CPNE4: variants seen among roughly 807,000 people sequenced by gnomAD.
CPNE4 encodes copine-4.
CPNE4 carries 25 observed loss-of-function variants against 67.9 expected under a neutral mutation model. The ratio of observed to expected loss-of-function variants is 0.37; its 90% confidence interval spans 0.27 to 0.51. CPNE4 has a LOEUF of 0.51. Ranked by LOEUF, CPNE4 falls within the 20% of genes least tolerant of loss-of-function variation. CPNE4 has a pLI of 0.93. For missense variants in CPNE4, 464 were observed against 690.8 expected (o/e 0.67, Z 3.68); for synonymous variants, 242 against 244.9 (o/e 0.99, Z 0.11).
intron 2 of CPNE4, among the ~76,000 whole-genome samples, chr3:131,820,667 A>G (rs2084929432): frequency 6.6e-6 from 1 of 152,270 alleles, no homozygotes; most frequent in Non-Finnish European, 1.5e-5. Flanking sequence ...TGTAATGCAT[A>G]TCATAACAAT....
At chr3:131,737,278 C>A (rs754955698) in intron 2 of CPNE4, among the ~76,000 whole-genome samples, 5 of 151,810 alleles carry the variant, frequency 3.3e-5, no homozygotes, top group African/African-American at 4.8e-5. Context: ...CACTCGCTAC[C>A]ACACCTGGCT....
chr3:131,615,926 C>T (rs1310674601), intron 7 of CPNE4, among the ~76,000 whole-genome samples: 1 of 88,270 alleles, frequency 1.1e-5, no homozygotes, highest in Admixed American at 9.5e-5. Context: ...CACACACACA[C>T]ACGCACACAC....
At chr3:131,665,693 G>C (rs62283183) in intron 7 of CPNE4, among the ~76,000 whole-genome samples, 1 of 87,478 alleles carries the variant, frequency 1.1e-5, no homozygotes, top group Non-Finnish European at 2.7e-5. Context: ...ACAAAAAACA[G>C]AAAGAAAAGA....
intron 1 of CPNE4, among the ~76,000 whole-genome samples, chr3:131,905,749 T>G (rs1256766053): frequency 6.6e-6 from 1 of 152,204 alleles, no homozygotes; most frequent in Non-Finnish European, 1.5e-5. Context: ...TTCAATAGGC[T>G]GCAAACTGTA....
Position 131,558,024 on chromosome 3 carries a change from C to T in CPNE4, c.1062-2473G>A, listed in dbSNP as rs114746194. 3.5e-3 allele frequency among the ~76,000 whole-genome samples: 528 copies of T among 151,992 alleles called. 2 individuals carry two copies. Among genetic ancestry groups the T allele is most frequent in the Middle Eastern group, 0.027 (8 of 294 alleles). On this transcript the variant is annotated intron_variant, in intron 11 of 15. Coordinates refer to ENST00000429747, the MANE Select transcript of CPNE4 (RefSeq NM_130808.3). Reference sequence around the variant, plus strand: ...ATTTCTAATCCCTATGGTGTTCTAGCGTTAATGATATTCCTTTTATACTTT... The same window carrying T: ...ATTTCTAATCCCTATGGTGTTCTAGTGTTAATGATATTCCTTTTATACTTT...
At chr3:131,915,005 G>T (rs142021132) in intron 1 of CPNE4, among the ~76,000 whole-genome samples, 4 of 152,024 alleles carry the variant, frequency 2.6e-5, no homozygotes, top group African/African-American at 4.8e-5. Flanking sequence ...ATAAAAACTT[G>T]CTTTCCTAGC....
chr3:131,935,258 G>C (rs955019972), intron 1 of CPNE4, among the ~76,000 whole-genome samples: 14 of 152,102 alleles, frequency 9.2e-5, no homozygotes, highest in Non-Finnish European at 1.8e-4. Context: ...TTGCAAGAGA[G>C]AGATTAAGTG....
chr3:131,997,324 T>A (rs931998226), intron 1 of CPNE4, among the ~76,000 whole-genome samples: 1 of 152,132 alleles, frequency 6.6e-6, no homozygotes, highest in Non-Finnish European at 1.5e-5. Flanking sequence ...TCCTCCCCAC[T>A]GTAGAGACTG....
intron 2 of CPNE4, among the ~76,000 whole-genome samples, chr3:131,827,227 T>G (rs970352942): frequency 6.6e-6 from 1 of 152,212 alleles, no homozygotes; most frequent in African/African-American, 2.4e-5. Flanking sequence ...TGTGTTCTGG[T>G]ATGAAATCAG....
chr3:131,667,338 T>G (rs1483195374), intron 7 of CPNE4, among the ~76,000 whole-genome samples: 3 of 152,166 alleles, frequency 2.0e-5, no homozygotes, highest in African/African-American at 7.2e-5. Context: ...GTATAATAAG[T>G]TTGATGTACT....
chr3:131,882,226 A>G (rs2087700909), intron 2 of CPNE4, among the ~76,000 whole-genome samples: 1 of 152,122 alleles, frequency 6.6e-6, no homozygotes, highest in African/African-American at 2.4e-5. Context: ...TGGTTTAATT[A>G]TATTAGTATT....
intron 2 of CPNE4, among the ~76,000 whole-genome samples, chr3:131,746,664 T>C (rs899640149): frequency 1.3e-5 from 2 of 152,150 alleles, no homozygotes; most frequent in African/African-American, 4.8e-5. Flanking sequence ...TCTTTATCCA[T>C]TCATCTGTTG....
At chr3:131,796,412 A>G (rs986281412) in intron 2 of CPNE4, among the ~76,000 whole-genome samples, 3 of 152,168 alleles carry the variant, frequency 2.0e-5, no homozygotes, top group Admixed American at 1.3e-4. Flanking sequence ...ACACACATTC[A>G]TTGATTCTGG....
At chr3:131,658,943 G>A (rs1462599002) in intron 7 of CPNE4, among the ~76,000 whole-genome samples, 4 of 152,184 alleles carry the variant, frequency 2.6e-5, no homozygotes, top group Non-Finnish European at 4.4e-5. Flanking sequence ...TGGATGCCCT[G>A]CAGAAACTGA....
At chr3:131,859,507 T>C (rs1451178164) in intron 2 of CPNE4, among the ~76,000 whole-genome samples, 1 of 152,114 alleles carries the variant, frequency 6.6e-6, no homozygotes, top group African/African-American at 2.4e-5. Flanking sequence ...CAGCTACACA[T>C]TAGAAACTTC....
chr3:131,911,704 T>C (rs1406028571), intron 1 of CPNE4, among the ~76,000 whole-genome samples: 2 of 151,984 alleles, frequency 1.3e-5, no homozygotes, highest in African/African-American at 4.8e-5. Context: ...TCTAGAGGGA[T>C]AGGGTACAGG....
intron 1 of CPNE4, among the ~76,000 whole-genome samples, chr3:131,996,719 G>T (rs1028175085): frequency 6.6e-6 from 1 of 151,976 alleles, no homozygotes; most frequent in Non-Finnish European, 1.5e-5. Context: ...GAATCCTCAG[G>T]CTCATGGGAT....
intron 2 of CPNE4, among the ~76,000 whole-genome samples, chr3:131,745,215 T>G (rs993293713): frequency 6.6e-6 from 1 of 152,172 alleles, no homozygotes; most frequent in East Asian, 1.9e-4. Flanking sequence ...TGTACTTACT[T>G]GCTGTCTTAT....
intron 7 of CPNE4, among the ~76,000 whole-genome samples, chr3:131,603,832 G>A (rs1050210017): frequency 6.6e-5 from 10 of 152,170 alleles, no homozygotes; most frequent in Non-Finnish European, 1.3e-4. Context: ...ATAGTCCTCA[G>A]TTGAAGAAGC....
Sources: gnomAD v4.1 joint callset for allele counts (sites outside exome capture counted in the v4.1 genomes callset) on GRCh38, gnomAD v4.1.1 for gene constraint, MANE v1.5 for transcripts, NCBI Gene and HGNC (gene_info 2026-07-23, HGNC 2026-07-21) for gene names.